SLC6A17: variants seen among roughly 807,000 people sequenced by gnomAD.
SLC6A17 encodes the protein solute carrier family 6 member 17, also known as sodium-dependent neutral amino acid transporter SLC6A17.
In SLC6A17, 21 loss-of-function variants were observed where a neutral mutation model predicts 64.5. That is an observed-to-expected ratio of 0.33 (90% CI 0.23 to 0.47). SLC6A17 has a LOEUF of 0.47. Ranked by LOEUF, SLC6A17 falls within the 20% of genes least tolerant of loss-of-function variation. The probability of loss-of-function intolerance (pLI) is 1.00; values close to 1 mark genes in which losing one functional copy is unlikely to be tolerated. For synonymous variants in SLC6A17, 372 were observed against 399.5 expected (o/e 0.93, Z 0.82); for missense variants, 682 against 963.2 (o/e 0.71, Z 3.86).
chr1:110,165,823 A>G (rs1656035306), intron 1 of SLC6A17, among the ~76,000 whole-genome samples: 2 of 152,218 alleles, frequency 1.3e-5, no homozygotes, highest in South Asian at 4.1e-4. Context: ...TGGGTAAGTT[A>G]CATCCCTAGA....
chr1:110,154,170 A>G (rs150764651), intron 1 of SLC6A17, among the ~76,000 whole-genome samples: 559 of 152,306 alleles, frequency 3.7e-3, no homozygotes, highest in Non-Finnish European at 5.8e-3. Context: ...TTATTCCCAG[A>G]CCATCTCATT....
At chr1:110,172,711 A>T (rs1405184882) in intron 3 of SLC6A17, among the ~76,000 whole-genome samples, 1 of 152,162 alleles carries the variant, frequency 6.6e-6, no homozygotes, top group Non-Finnish European at 1.5e-5. Flanking sequence ...GAGAACTTAC[A>T]CAGGAAACTT....
At chr1:110,152,641 G>A (rs1157304304) in intron 1 of SLC6A17, among the ~76,000 whole-genome samples, 1 of 152,140 alleles carries the variant, frequency 6.6e-6, no homozygotes, top group Non-Finnish European at 1.5e-5. Context: ...GGAGGGTAAG[G>A]AAAGGCTCTG....
chr1:110,171,138 T>C (rs768274183), intron 2 of SLC6A17, among the ~76,000 whole-genome samples: 2 of 152,144 alleles, frequency 1.3e-5, no homozygotes, highest in African/African-American at 2.4e-5. Flanking sequence ...GCAGTGTAGC[T>C]GGGGGCTTCT....
At chr1:110,184,524 T>C (rs1656627197) in intron 6 of SLC6A17, among the ~76,000 whole-genome samples, 2 of 152,174 alleles carry the variant, frequency 1.3e-5, no homozygotes, top group African/African-American at 4.8e-5. Flanking sequence ...GTACTCTCAT[T>C]ATCACCACTG....
intron 1 of SLC6A17, among the ~76,000 whole-genome samples, chr1:110,163,920 G>A (rs1655982169): frequency 1.3e-5 from 2 of 151,724 alleles, no homozygotes; most frequent in Non-Finnish European, 2.9e-5. Context: ...CCCAACCCCC[G>A]CATCCAGCAT....
intron 2 of SLC6A17, among the ~76,000 whole-genome samples, chr1:110,170,426 G>A (rs1209908492): frequency 6.6e-6 from 1 of 152,230 alleles, no homozygotes; most frequent in East Asian, 1.9e-4. Context: ...AGAGCTTGCA[G>A]TGAGCCGAGA....
chr1:110,198,216 C>T lies in SLC6A17; in HGVS notation c.1956C>T (p.Ser652=), dbSNP rs751308344. ...TCTCTGATGGCTCCAACACCCTCTC[C>T]GTGTCCTACAAGAAGGGCCGCATGA... ...HLLSDGSNTL[S]VSYKKGRMMK... is the part of the protein sequence containing the mutation. Residue 652 remains serine, a synonymous_variant, in exon 12 of 12, where the codon TCC becomes TCT. Transcript: ENST00000331565. 16 of 1,614,060 alleles carry T rather than the reference C, an allele frequency of 9.9e-6. No individual in the cohort carries two copies. Among genetic ancestry groups the T allele is most frequent in the Admixed American group, 1.7e-5 (1 of 60,004 alleles).
intron 5 of SLC6A17, among the ~76,000 whole-genome samples, chr1:110,175,529 C>A (rs1161856688): frequency 6.6e-6 from 1 of 152,216 alleles, no homozygotes; most frequent in East Asian, 1.9e-4. Flanking sequence ...TTGTCACATA[C>A]CAGTATTCAT....
intron 3 of SLC6A17, 69 bp from the exon 4 acceptor site, chr1:110,173,897 TGGGCCTC>T: frequency 6.5e-7 from 1 of 1,528,742 alleles, no homozygotes; most frequent in Non-Finnish European, 8.8e-7. Flanking sequence ...GCCGACGTGC[TGGGCCTC>T]GGGTGGAGCG....
chr1:110,195,445 A>G (rs1049448702), intron 9 of SLC6A17, 141 bp from the exon 10 acceptor site: 2 of 1,002,614 alleles, frequency 2.0e-6, no homozygotes, highest in African/African-American at 1.6e-5. Flanking sequence ...TCCCTCGTGC[A>G]GGACTGAGCC....
At chr1:110,194,994 G>C in intron 9 of SLC6A17, 1 of 609,276 alleles carries the variant, frequency 1.6e-6, no homozygotes, top group Middle Eastern at 4.2e-4. Flanking sequence ...CGGGAGGCCT[G>C]CATCTAGGCC....
Position 110,176,679 on chromosome 1 carries a change from G to T in SLC6A17, c.804G>T (p.Leu268=). 6.2e-7 allele frequency: 1 copy of T among 1,614,082 alleles called. No individual in the cohort carries two copies. Among genetic ancestry groups the T allele is most frequent in the Non-Finnish European group, 8.5e-7 (1 of 1,179,980 alleles). Reference sequence around the variant, plus strand: ...CCTACGTGGTGCTGGCCTGCTTCCTGGTCCGGGGGCTGTTGCTGCGAGGGG... The same window carrying T: ...CCTACGTGGTGCTGGCCTGCTTCCTTGTCCGGGGGCTGTTGCTGCGAGGGG... ...LFPYVVLACF[L]VRGLLLRGAV... is the part of the protein sequence containing the mutation. The change falls in exon 6 of 12, where the codon CTG becomes CTT. Residue 268 remains leucine (L), a synonymous_variant. Transcript: ENST00000331565.
chr1:110,175,422 G>C (rs1656349799), intron 5 of SLC6A17, among the ~76,000 whole-genome samples: 1 of 152,172 alleles, frequency 6.6e-6, no homozygotes, highest in African/African-American at 2.4e-5. Context: ...GAGGCCTCAG[G>C]GGGCAGCTCC....
intron 10 of SLC6A17, among the ~76,000 whole-genome samples, chr1:110,196,217 T>G (rs1181053044): frequency 6.6e-6 from 1 of 152,194 alleles, no homozygotes; most frequent in Non-Finnish European, 1.5e-5. Context: ...TCTCACAGCC[T>G]AGGCCTAGGG....
intron 1 of SLC6A17, among the ~76,000 whole-genome samples, chr1:110,151,783 A>G (rs1490608521): frequency 6.6e-6 from 1 of 151,384 alleles, no homozygotes; most frequent in East Asian, 1.9e-4. Context: ...TTTTGATGCC[A>G]TTCCTCTTTC....
intron 1 of SLC6A17, among the ~76,000 whole-genome samples, chr1:110,155,154 T>C (rs537103690): frequency 1.6e-4 from 24 of 152,280 alleles, no homozygotes; most frequent in Non-Finnish European, 2.9e-4. Flanking sequence ...GATAACTGAA[T>C]GTAAGTATTA....
At chr1:110,173,018 G>A (rs1030733785) in intron 3 of SLC6A17, among the ~76,000 whole-genome samples, 1 of 152,226 alleles carries the variant, frequency 6.6e-6, no homozygotes, top group Non-Finnish European at 1.5e-5. Context: ...CTGGGAGAGG[G>A]CCTATTGCAG....
intron 1 of SLC6A17, among the ~76,000 whole-genome samples, chr1:110,161,557 CTG>C: frequency 6.6e-6 from 1 of 152,236 alleles, no homozygotes; most frequent in East Asian, 1.9e-4. Flanking sequence ...ACTGTGGTGT[CTG>C]TGGTCGTTGT....
Sources: allele counts gnomAD v4.1 joint callset (sites outside exome capture counted in the v4.1 genomes callset), GRCh38; gene constraint gnomAD v4.1.1; transcripts MANE v1.5; gene names NCBI Gene and HGNC (gene_info 2026-07-23, HGNC 2026-07-21).